AUTS2: variants seen among roughly 807,000 people sequenced by gnomAD.
AUTS2 encodes the protein autism susceptibility gene 2 protein.
AUTS2 carries 17 observed loss-of-function variants against 112.4 expected under a neutral mutation model. The ratio of observed to expected loss-of-function variants is 0.15; its 90% confidence interval spans 0.10 to 0.23. AUTS2 has a LOEUF of 0.23. AUTS2 is among the 10% of genes least tolerant of loss of function. The pLI, the probability that AUTS2 is intolerant of heterozygous loss-of-function variation, is 1.00. For missense variants in AUTS2, 1,510 were observed against 1,701.6 expected, an observed-to-expected ratio of 0.89 and a Z score of 1.98; for synonymous variants, 751 against 702.7, an observed-to-expected ratio of 1.07 and a Z score of -1.09.
intron 1 of AUTS2, among the ~76,000 whole-genome samples, chr7:69,683,858 C>T (rs1251991403): frequency 1.3e-5 from 2 of 152,092 alleles, no homozygotes; most frequent in Admixed American, 6.5e-5. Context: ...TTGCAGTGAG[C>T]CGAGATTGTG....
intron 4 of AUTS2, among the ~76,000 whole-genome samples, chr7:70,409,856 A>G (rs1269742703): frequency 1.3e-5 from 2 of 152,176 alleles, no homozygotes; most frequent in Non-Finnish European, 2.9e-5. Flanking sequence ...TAAGTTATCC[A>G]TTTAATCTTA....
In AUTS2 at chr7:70,787,360, C is replaced by T. The variant is rs138800328; in HGVS notation, c.2460C>T (p.Ser820=). The change falls in exon 18 of 19, where the codon TCC becomes TCT. Residue 820 remains serine, a synonymous_variant. Coordinates refer to ENST00000342771, the MANE Select transcript of AUTS2 (RefSeq NM_015570.4). ...LKPGELERSA[S]AAAHDRDRDV... is the part of the protein sequence containing the mutation. ...CAGGGGAGCTGGAGCGCAGCGCGTC[C>T]GCTGCAGCTCATGACAGAGATAGAG... The T allele has an allele frequency of 1.7e-4, 268 of 1,614,012 alleles. No individual in the cohort carries two copies. Among genetic ancestry groups the T allele is most frequent in the East Asian group, 2.5e-4 (11 of 44,870 alleles).
chr7:70,762,741 C>T, intron 6 of AUTS2, 129 bp from the exon 7 acceptor site: 1 of 739,606 alleles, frequency 1.4e-6, no homozygotes, highest in South Asian at 1.6e-5. Flanking sequence ...AGACAAGGAC[C>T]CAAGCCAGGA....
intron 9 of AUTS2, among the ~76,000 whole-genome samples, chr7:70,767,773 A>C (rs1039800870): frequency 3.3e-5 from 5 of 152,206 alleles, no homozygotes; most frequent in Non-Finnish European, 7.3e-5. Context: ...CTGTAGAAAG[A>C]AAATAGTAGG....
chr7:69,847,361 G>C (rs1177220978), intron 1 of AUTS2, among the ~76,000 whole-genome samples: 1 of 152,172 alleles, frequency 6.6e-6, no homozygotes, highest in African/African-American at 2.4e-5. Context: ...TAAATGGTGG[G>C]CCTGAGATTC....
chr7:70,716,444 T>C (rs1810368094), intron 6 of AUTS2, among the ~76,000 whole-genome samples: 1 of 151,892 alleles, frequency 6.6e-6, no homozygotes, highest in African/African-American at 2.4e-5. Flanking sequence ...CCATCCTGGC[T>C]AACACAGTGA....
chr7:70,578,077 G>A (rs748562375), intron 5 of AUTS2, among the ~76,000 whole-genome samples: 6 of 152,118 alleles, frequency 3.9e-5, no homozygotes, highest in East Asian at 3.9e-4. Flanking sequence ...TGATCTGCCC[G>A]CCTCGGCCTC....
At chr7:69,738,798 CCT>C (rs1429165915) in intron 1 of AUTS2, among the ~76,000 whole-genome samples, 1 of 151,642 alleles carries the variant, frequency 6.6e-6, no homozygotes, top group Non-Finnish European at 1.5e-5. Flanking sequence ...GGTTTTTTTT[CCT>C]CTTTGTTGCC....
chr7:69,862,971 T>C (rs1054526004), intron 1 of AUTS2, among the ~76,000 whole-genome samples: 4 of 152,188 alleles, frequency 2.6e-5, no homozygotes, highest in Admixed American at 2.6e-4. Context: ...AGTTGTCTGA[T>C]TAGTGAAGAG....
intron 6 of AUTS2, among the ~76,000 whole-genome samples, chr7:70,727,152 G>A (rs1482492989): frequency 3.3e-5 from 5 of 152,284 alleles, no homozygotes; most frequent in South Asian, 4.1e-4. Context: ...ACCCCACCTC[G>A]TGGGAATTCA....
chr7:69,721,230 T>G (rs1798915564), intron 1 of AUTS2, among the ~76,000 whole-genome samples: 1 of 152,180 alleles, frequency 6.6e-6, no homozygotes, highest in African/African-American at 2.4e-5. Context: ...GCAGCAGCAA[T>G]GCATTCTCTA....
intron 4 of AUTS2, chr7:70,291,062 A>G (rs1257912582): frequency 1.3e-5 from 2 of 152,178 alleles, no homozygotes; most frequent in African/African-American, 4.8e-5. Flanking sequence ...ACATTTCTCC[A>G]ATGGAATATT....
At chr7:70,708,101 C>A (rs762076355) in intron 6 of AUTS2, among the ~76,000 whole-genome samples, 1 of 152,152 alleles carries the variant, frequency 6.6e-6, no homozygotes, top group Non-Finnish European at 1.5e-5. Flanking sequence ...CCTTTAAAAG[C>A]CACTTGGAAA....
chr7:70,456,505 C>A (rs984972467), intron 5 of AUTS2, among the ~76,000 whole-genome samples: 4 of 152,188 alleles, frequency 2.6e-5, no homozygotes, highest in Non-Finnish European at 5.9e-5. Flanking sequence ...CCAATATCAG[C>A]GAGATTTCCA....
intron 5 of AUTS2, among the ~76,000 whole-genome samples, chr7:70,562,878 G>A (rs753474994): frequency 2.6e-5 from 4 of 152,248 alleles, no homozygotes; most frequent in South Asian, 2.1e-4. Context: ...TTTTTGGAGC[G>A]GTGTCCAATG....
chr7:70,149,748 A>G (rs1160542728), intron 4 of AUTS2, among the ~76,000 whole-genome samples: 1 of 152,084 alleles, frequency 6.6e-6, no homozygotes, highest in African/African-American at 2.4e-5. Flanking sequence ...TAACTATCCA[A>G]TGAATATCTG....
chr7:70,144,970 A>G (rs149600256), intron 4 of AUTS2, among the ~76,000 whole-genome samples: 18 of 152,214 alleles, frequency 1.2e-4, no homozygotes, highest in Non-Finnish European at 2.5e-4. Context: ...TTGGCTTATT[A>G]CTTTAACTTA....
intron 5 of AUTS2, among the ~76,000 whole-genome samples, chr7:70,469,498 G>T (rs1220988996): frequency 6.6e-6 from 1 of 152,212 alleles, no homozygotes; most frequent in Non-Finnish European, 1.5e-5. Context: ...GGATATCAGT[G>T]AGAGCAAGCA....
intron 1 of AUTS2, among the ~76,000 whole-genome samples, chr7:69,721,338 TA>T (rs1274177536): frequency 1.3e-5 from 2 of 152,160 alleles, no homozygotes; most frequent in African/African-American, 4.8e-5. Flanking sequence ...GAAGCTCCCT[TA>T]TCAGAGAGAC....
Sources: gnomAD v4.1 joint callset for allele counts (sites outside exome capture counted in the v4.1 genomes callset) on GRCh38, gnomAD v4.1.1 for gene constraint, MANE v1.5 for transcripts, NCBI Gene and HGNC (gene_info 2026-07-23, HGNC 2026-07-21) for gene names.